The following OSCAR variants were observed in gnomAD, a reference collection of about 807,000 sequenced individuals.
OSCAR encodes osteoclast associated Ig-like receptor.
Under a neutral mutation model 27.3 loss-of-function variants are expected in OSCAR, and 25 were observed. The observed-to-expected ratio is 0.92, with a 90% CI of 0.67 to 1.28. The LOEUF is 1.28. Ranked by LOEUF, OSCAR falls within the 50% of genes most tolerant of loss-of-function variation. The pLI, the probability that OSCAR is intolerant of heterozygous loss-of-function variation, is 0.00. For missense variants in OSCAR, 354 were observed against 355.1 expected (o/e 1.00, Z 0.03); for synonymous variants, 158 against 165.7 (o/e 0.95, Z 0.36).
At chr19:54,099,667 G>A in intron 2 of OSCAR, 81 bp downstream of exon 2, 1 of 1,613,774 alleles carries the variant, frequency 6.2e-7, no homozygotes, top group South Asian at 1.1e-5. Context: ...TCTGGGATGG[G>A]ATTGGGCACC....
intron 4 of OSCAR, 120 bp downstream of exon 4, chr19:54,095,752 C>T (rs1245814754): frequency 6.8e-7 from 1 of 1,465,284 alleles, no homozygotes; most frequent in Middle Eastern, 2.3e-4. Context: ...GGCTGCAGGA[C>T]TAGACCCCTG....
chr19:54,096,276 T>TTCTCTCTGCCTGCCTC, intron 3 of OSCAR, 123 bp from the exon 4 acceptor site: 2 of 862,292 alleles, frequency 2.3e-6, no homozygotes, highest in South Asian at 3.8e-5. Flanking sequence ...CTGCCTCTCT[T>TTCTCTCTGCCTGCCTC]TCTCTCTGCC....
rs1319485865 is a variant in OSCAR at position 54,096,702 on chromosome 19, CCTGT to C, written c.373+156_373+159del. ...CTGTACCTCTCTCTCTCTCTGCTCC[CCTGT>C]CTCTCTCTCTCCCCCTAGTGTCTCT... On this transcript the variant is annotated intron_variant, in intron 3 of 4. Coordinates refer to ENST00000358375, the MANE Select transcript of OSCAR (RefSeq NM_133169.6). Among the ~76,000 whole-genome samples the C allele has an allele frequency of 2.0e-5, 3 of 149,366 alleles. No homozygotes were observed. The East Asian group carries it at 5.9e-4, about 29-fold the overall frequency.
chr19:54,096,239 G>C, intron 3 of OSCAR, 86 bp from the exon 4 acceptor site: 2 of 1,194,148 alleles, frequency 1.7e-6, no homozygotes, highest in Non-Finnish European at 2.3e-6. Flanking sequence ...TCTGTCTCTC[G>C]CTTTCTCTGT....
At chr19:54,096,224 TCTC>T (rs776975915) in intron 3 of OSCAR, 71 bp from the exon 4 acceptor site, 91 of 1,286,366 alleles carry the variant, frequency 7.1e-5, no homozygotes, top group Non-Finnish European at 8.1e-5. Flanking sequence ...TGTTTCTCCT[TCTC>T]CTCTGTCTCT....
intron 2 of OSCAR, among the ~76,000 whole-genome samples, chr19:54,099,124 G>A (rs930502237): frequency 2.0e-5 from 3 of 150,984 alleles, no homozygotes; most frequent in Non-Finnish European, 2.9e-5. Flanking sequence ...GTGCAGTGGC[G>A]CGATCTCAGC....
Position 54,096,979 on chromosome 19 carries a change from A to G in OSCAR, c.256T>C (p.Phe86Leu), listed in dbSNP as rs757379101. 2 of 1,614,150 alleles carry G rather than the reference A, an allele frequency of 1.2e-6. No individual in the cohort carries two copies. Among genetic ancestry groups the G allele is most frequent in the Non-Finnish European group, 1.7e-6 (2 of 1,180,024 alleles). Reference protein sequence around the residue: ...RDVSSELAEFFLEEVTPAQGG... With the variant: ...RDVSSELAEFLLEEVTPAQGG... Reference sequence around the variant, plus strand: ...TGGGCTGGAGTCACCTCCTCCAGAAAGAATTCTGCCAGCTCGGAGGACACA... The same window carrying G: ...TGGGCTGGAGTCACCTCCTCCAGAAGGAATTCTGCCAGCTCGGAGGACACA... Residue 86 changes from phenylalanine to leucine, a missense_variant, in exon 3 of 5, where the codon TTT becomes CTT. Phe to Leu is a conservative substitution (Grantham distance 22). Transcript: ENST00000358375.
rs2072675740 is a variant in OSCAR, at chr19:54,096,121, G to T, written c.406C>A (p.Pro136Thr). Residue 136 changes from proline (P) to threonine (T), a missense_variant, in exon 4 of 5, where the codon CCC (proline) becomes ACC (threonine). Coordinates refer to ENST00000358375, the MANE Select transcript of OSCAR (RefSeq NM_133169.6). ...ELPRPSLVALPGPVVGPGANV... is the reference protein window; with the variant it reads ...ELPRPSLVALTGPVVGPGANV... ...GCGCCAGGACCCACCACCGGCCCGGGCAGCGCCACCAGCGACGGCCGCGGC... is the reference window on the plus strand; with the variant it reads ...GCGCCAGGACCCACCACCGGCCCGGTCAGCGCCACCAGCGACGGCCGCGGC... 1 of 1,527,136 alleles carries T rather than the reference G, an allele frequency of 6.5e-7. No homozygotes were observed. The highest frequency in any genetic ancestry group is 8.7e-7 in the Non-Finnish European group (1 of 1,143,640). 94.6% of individuals were successfully genotyped at this position (1,527,136 alleles called of 1,614,324 possible).
rs1568538388 is a variant in OSCAR at position 54,096,304 on chromosome 19, GCCTCTCTCTCTGCCTC to G, written c.374-167_374-152del. 4.4e-4 allele frequency: 318 copies of G among 725,872 alleles called. 1 individual carries two copies. The African/African-American group carries it at 5.1e-3, about 12-fold the overall frequency. The allele number at this position is 725,872 out of a possible 1,614,324, so 45.0% of individuals were successfully genotyped here. On this transcript the variant is annotated intron_variant, in intron 3 of 4. Transcript: ENST00000358375. The stretch of plus-strand genomic sequence containing the variant: ...TCTCTGCCTGTCTCTCTCTCTGTCT[GCCTCTCTCTCTGCCTC>G]CCTCTCTCTCTGCCTCCCTCTCTCT...
intron 1 of OSCAR, 81 bp downstream of exon 1, chr19:54,100,675 C>A: frequency 7.0e-7 from 1 of 1,422,510 alleles, no homozygotes; most frequent in South Asian, 1.3e-5. Flanking sequence ...GGTCCCCCTG[C>A]AGGGTGTCTG....
At chr19:54,099,201 T>A (rs1479406579) in intron 2 of OSCAR, among the ~76,000 whole-genome samples, 1 of 145,346 alleles carries the variant, frequency 6.9e-6, no homozygotes, top group Non-Finnish European at 1.5e-5. Flanking sequence ...TAGCTGGGAT[T>A]ACAGGTGCGT....
Position 54,096,197 on chromosome 19 carries a change from C to T in OSCAR, c.374-44G>A, listed in dbSNP as rs587620394. On this transcript the variant is annotated intron_variant, in intron 3 of 4. Coordinates refer to ENST00000358375, the MANE Select transcript of OSCAR (RefSeq NM_133169.6). ...AGTCCGGGGCCGCGTGAGCGTCTTC[C>T]GCTCGCTCGCTCGCTCTGTTTCTCC... 2.2e-5 allele frequency: 31 copies of T among 1,407,556 alleles called. 1 individual carries two copies. In the South Asian group the frequency reaches 4.1e-4, roughly 19 times the overall value. 87.2% of individuals were successfully genotyped at this position (1,407,556 alleles called of 1,614,324 possible).
intron 2 of OSCAR, among the ~76,000 whole-genome samples, chr19:54,099,079 T>G (rs2072899548): frequency 1.3e-5 from 2 of 148,604 alleles, no homozygotes; most frequent in Non-Finnish European, 3.0e-5. Flanking sequence ...TTGTTTGTTT[T>G]TGAAGTGGAG....
rs2072545715 is a variant in OSCAR, at chr19:54,094,933, C to G, written c.*288G>C. ...GTCCAGCTGGCTTCACGTCTCACTA[C>G]TACCTTTCTGTAGCTGCTACTACTA... On this transcript the variant is annotated 3_prime_UTR_variant, in exon 5 of 5. Transcript: ENST00000358375. 2.5e-6 allele frequency: 1 copy of G among 401,086 alleles called. No homozygotes were observed. Among genetic ancestry groups the G allele is most frequent in the East Asian group, 4.2e-5 (1 of 23,924 alleles). 24.8% of individuals were successfully genotyped at this position (401,086 alleles called of 1,614,324 possible).
At chr19:54,097,942 T>C (rs142307321) in intron 2 of OSCAR, among the ~76,000 whole-genome samples, 2 of 152,182 alleles carry the variant, frequency 1.3e-5, no homozygotes, top group East Asian at 1.9e-4. Flanking sequence ...ATTTGCAATA[T>C]AGTATTTCAA....
intron 2 of OSCAR, among the ~76,000 whole-genome samples, chr19:54,098,169 A>G (rs1384171727): frequency 6.6e-6 from 1 of 152,228 alleles, no homozygotes; most frequent in African/African-American, 2.4e-5. Flanking sequence ...AATTAATTTG[A>G]CCACTTCAAA....
chr19:54,095,945 G>A lies in OSCAR; in HGVS notation c.582C>T (p.Ser194=). 3 of 1,589,364 alleles carry A rather than the reference G, an allele frequency of 1.9e-6. No homozygotes were observed. Among genetic ancestry groups the A allele is most frequent in the Admixed American group, 1.8e-5 (1 of 55,896 alleles). The change falls in exon 4 of 5, where the codon AGC becomes AGT. Residue 194 remains serine (S), a synonymous_variant. Coordinates refer to ENST00000358375, the MANE Select transcript of OSCAR (RefSeq NM_133169.6). ...GCGCGGAGGGCGTGTGATAGTAGCA[G>A]CTGTAGGTGCCGGGGGCGCGGGCGC... ...LLGARAPGTY[S]CYYHTPSAPY... is the part of the protein sequence containing the mutation.
chr19:54,095,924 G>T lies in OSCAR; in HGVS notation c.603C>A (p.Ser201=). 6.3e-7 allele frequency: 1 copy of T among 1,583,060 alleles called. No individual in the cohort carries two copies. The highest frequency in any genetic ancestry group is 2.3e-5 in the East Asian group (1 of 43,394). The change falls in exon 4 of 5, where the codon TCC becomes TCA. Residue 201 remains serine (S), a synonymous_variant. Transcript: ENST00000358375. ...TGCGCTGCGACAGCACGTAGGGCGC[G>T]GAGGGCGTGTGATAGTAGCAGCTGT... The part of the protein sequence containing the change: ...GTYSCYYHTP[S]APYVLSQRSE...
rs112337576 is a variant in OSCAR at position 54,096,366 on chromosome 19, C to G, written c.374-213G>C. Among the ~76,000 whole-genome samples the G allele has an allele frequency of 9.4e-4, 133 of 140,764 alleles. 1 individual carries two copies. Among genetic ancestry groups the G allele is most frequent in the Middle Eastern group, 7.6e-3 (2 of 264 alleles). The allele number at this position is 140,764 out of a possible 152,430, so 92.3% of individuals were successfully genotyped here. ...TCTCTGCCTCCCTCTCTCTCTGCCTCCCTCTCTCTCTGCCTCCCTCTCTCT... is the reference window on the plus strand; with the variant it reads ...TCTCTGCCTCCCTCTCTCTCTGCCTGCCTCTCTCTCTGCCTCCCTCTCTCT... On this transcript the variant is annotated intron_variant, in intron 3 of 4. Transcript: ENST00000358375.
Sources: gnomAD v4.1 joint callset for allele counts (sites outside exome capture counted in the v4.1 genomes callset) on GRCh38, gnomAD v4.1.1 for gene constraint, MANE v1.5 for transcripts, NCBI Gene and HGNC (gene_info 2026-07-23, HGNC 2026-07-21) for gene names.